Variants in FLT1 observed in about 807,000 individuals in gnomAD.
The protein encoded by FLT1 is vascular endothelial growth factor receptor 1.
A neutral mutation model predicts 156.3 loss-of-function variants in FLT1; 49 were observed. The ratio of observed to expected loss-of-function variants is 0.31; its 90% CI spans 0.25 to 0.40. The LOEUF (loss-of-function observed/expected upper bound fraction) is 0.40. Among genes scored for constraint, FLT1 ranks in the 10% least tolerant of loss-of-function variants. The pLI is 1.00. For synonymous variants in FLT1, 594 were observed against 583.8 expected (o/e 1.02, Z -0.25); for missense variants, 1,322 against 1,637.2 (o/e 0.81, Z 3.32).
At chr13:28,316,812 G>A (rs895988016) in intron 25 of FLT1, among the ~76,000 whole-genome samples, 5 of 151,940 alleles carry the variant, frequency 3.3e-5, no homozygotes, top group East Asian at 1.9e-4. Context: ...TAGTAGAGAC[G>A]GGGTTTCACC....
At chr13:28,352,315 A>G (rs1407647748) in intron 15 of FLT1, among the ~76,000 whole-genome samples, 2 of 152,248 alleles carry the variant, frequency 1.3e-5, no homozygotes, top group East Asian at 1.9e-4. Flanking sequence ...AGGATTACGG[A>G]TGTTATGTGC....
intron 13 of FLT1, 47 bp from the exon 14 acceptor site, chr13:28,385,078 T>A (rs1874282946): frequency 6.3e-7 from 1 of 1,593,332 alleles, no homozygotes; most frequent in Non-Finnish European, 8.6e-7. Flanking sequence ...AACTTTATTC[T>A]TGTATTGTCT....
At chr13:28,368,551 T>C in intron 14 of FLT1, 3 of 1,537,564 alleles carry the variant, frequency 2.0e-6, no homozygotes, top group Non-Finnish European at 2.6e-6. Flanking sequence ...ATGATGATGA[T>C]GATGATGATG....
chr13:28,319,646 G>C (rs563826704), intron 23 of FLT1, 112 bp from the exon 24 acceptor site: 8 of 705,940 alleles, frequency 1.1e-5, no homozygotes, highest in Admixed American at 2.0e-5. Context: ...AATCATTTCC[G>C]AGAGCAGCTC....
intron 29 of FLT1, among the ~76,000 whole-genome samples, chr13:28,305,092 G>A (rs917950000): frequency 6.6e-6 from 1 of 152,070 alleles, no homozygotes; most frequent in Non-Finnish European, 1.5e-5. Flanking sequence ...TAACCTTATG[G>A]GCAACAGCTA....
At chr13:28,319,641 T>C in intron 23 of FLT1, 107 bp from the exon 24 acceptor site, 2 of 713,196 alleles carry the variant, frequency 2.8e-6, no homozygotes, top group Non-Finnish European at 5.2e-6. Context: ...CTATAAATCA[T>C]TTCCGAGAGC....
chr13:28,366,286 G>C (rs1364731596), intron 14 of FLT1, among the ~76,000 whole-genome samples: 2 of 152,106 alleles, frequency 1.3e-5, no homozygotes, highest in Admixed American at 6.5e-5. Context: ...TCATGATCTG[G>C]CCCCTTCCTA....
intron 18 of FLT1, among the ~76,000 whole-genome samples, chr13:28,331,698 G>A (rs535604006): frequency 4.2e-4 from 64 of 152,214 alleles, no homozygotes; most frequent in African/African-American, 1.5e-3. Flanking sequence ...CCAAAGTGCT[G>A]GATTACAGGC....
chr13:28,344,470 C>T (rs1228480144), intron 16 of FLT1, among the ~76,000 whole-genome samples: 1 of 149,120 alleles, frequency 6.7e-6, no homozygotes, highest in East Asian at 1.9e-4. Flanking sequence ...AGCCAATCTC[C>T]CCTGACTGCT....
At chr13:28,358,947 G>A (rs1335077370) in intron 14 of FLT1, among the ~76,000 whole-genome samples, 1 of 152,150 alleles carries the variant, frequency 6.6e-6, no homozygotes, top group Non-Finnish European at 1.5e-5. Flanking sequence ...ATGAGAAACG[G>A]AAGCATGAGA....
intron 3 of FLT1, among the ~76,000 whole-genome samples, chr13:28,445,137 A>G (rs1424881711): frequency 1.3e-5 from 2 of 152,186 alleles, no homozygotes; most frequent in Non-Finnish European, 2.9e-5. Flanking sequence ...ACCTTAAGCC[A>G]GACAAGCCAA....
intron 3 of FLT1, among the ~76,000 whole-genome samples, chr13:28,466,002 TA>T (rs983699897): frequency 2.6e-5 from 4 of 152,204 alleles, no homozygotes; most frequent in African/African-American, 9.7e-5. Context: ...TTGTTTTTTT[TA>T]AACCTGATTC....
chr13:28,347,383 C>T (rs1021006700), intron 15 of FLT1, among the ~76,000 whole-genome samples: 1 of 151,792 alleles, frequency 6.6e-6, no homozygotes, highest in South Asian at 2.1e-4. Flanking sequence ...AAAAAATTAG[C>T]TGGGTGTGGT....
chr13:28,385,193 CTT>C (rs1020770730), intron 13 of FLT1, among the ~76,000 whole-genome samples, 162 bp from the exon 14 acceptor site: 15 of 152,326 alleles, frequency 9.8e-5, no homozygotes, highest in African/African-American at 3.6e-4. Flanking sequence ...GCTGCTTCTA[CTT>C]TAATAAGATG....
In FLT1 at chr13:28,302,870, G is replaced by A. The variant is rs1391396911; in HGVS notation, c.*297C>T. 4.6e-5 allele frequency: 21 copies of A among 458,386 alleles called. No homozygotes were observed. In the Admixed American group the frequency reaches 7.1e-4, roughly 15 times the overall value. 28.4% of individuals were successfully genotyped at this position (458,386 alleles called of 1,614,324 possible). A position where few individuals can be genotyped will look rare whatever the true frequency, so the allele number is the denominator to read the frequency against. On this transcript the variant is annotated 3_prime_UTR_variant, in exon 30 of 30. Transcript: ENST00000282397. Reference sequence around the variant, plus strand: ...CTCCTCAATCAAACTGGTCCTGCGTGCCCTGAGGTGGCGGGGGTTGGAGCA... The same window carrying A: ...CTCCTCAATCAAACTGGTCCTGCGTACCCTGAGGTGGCGGGGGTTGGAGCA...
intron 13 of FLT1, chr13:28,386,868 GTT>G: frequency 1.9e-6 from 2 of 1,049,302 alleles, no homozygotes; most frequent in Non-Finnish European, 2.3e-6. Flanking sequence ...AATTCACTGA[GTT>G]ATACTTTTAA....
intron 25 of FLT1, among the ~76,000 whole-genome samples, chr13:28,316,206 A>C (rs970094799): frequency 4.5e-4 from 69 of 152,242 alleles, no homozygotes; most frequent in Admixed American, 4.4e-3. Flanking sequence ...TCTCCTGTCC[A>C]CCTCGTCCAG....
chr13:28,359,745 T>G (rs1249229427), intron 14 of FLT1, among the ~76,000 whole-genome samples: 1 of 152,176 alleles, frequency 6.6e-6, no homozygotes, highest in African/African-American at 2.4e-5. Context: ...TAGACATTTT[T>G]CAAAAGAAGA....
At chr13:28,350,218 G>A (rs1872697533) in intron 15 of FLT1, among the ~76,000 whole-genome samples, 1 of 152,240 alleles carries the variant, frequency 6.6e-6, no homozygotes, top group Non-Finnish European at 1.5e-5. Flanking sequence ...CCCGCATGAT[G>A]TGCGTGAAAG....
Sources: gnomAD v4.1 joint callset for allele counts (sites outside exome capture counted in the v4.1 genomes callset) on GRCh38, gnomAD v4.1.1 for gene constraint, MANE v1.5 for transcripts, NCBI Gene and HGNC (gene_info 2026-07-23, HGNC 2026-07-21) for gene names.